Variants in TYW1 observed in about 807,000 individuals in gnomAD.
TYW1 encodes the protein S-adenosyl-L-methionine-dependent tRNA 4-demethylwyosine synthase TYW1.
Under a neutral mutation model 96.2 loss-of-function variants are expected in TYW1, and 46 were observed. The ratio of observed to expected loss-of-function variants is 0.48; its 90% CI spans 0.38 to 0.61. The LOEUF is 0.61. Ranked by LOEUF, TYW1 falls within the 20% of genes least tolerant of loss-of-function variation. The probability of loss-of-function intolerance (pLI) is 0.00; values close to 1 mark genes in which losing one functional copy is unlikely to be tolerated. For missense variants in TYW1, 684 were observed against 909.6 expected (o/e 0.75, Z 3.19); for synonymous variants, 274 against 323.0 (o/e 0.85, Z 1.63).
rs1801197090 is a variant in TYW1 at position 67,216,378 on chromosome 7, T to G, written c.1977+21041T>G. Among the ~76,000 whole-genome samples the G allele has an allele frequency of 1.5e-5, 2 of 136,288 alleles. 1 individual carries two copies. Among genetic ancestry groups the G allele is most frequent in the Non-Finnish European group, 3.2e-5 (2 of 63,146 alleles). 89.4% of individuals were successfully genotyped at this position (136,288 alleles called of 152,430 possible). A position where few individuals can be genotyped will look rare whatever the true frequency, so the allele number is the denominator to read the frequency against. On this transcript the variant is annotated intron_variant, in intron 15 of 15. Coordinates refer to ENST00000359626, the MANE Select transcript of TYW1 (RefSeq NM_018264.4). The stretch of plus-strand genomic sequence containing the variant: ...TCTCTAAGATAAAAAATTTCAAATC[T>G]GTAATCCTATCATTGTCACTATTGG...
chr7:67,175,563 A>G (rs777236375), intron 13 of TYW1, among the ~76,000 whole-genome samples: 8 of 152,208 alleles, frequency 5.3e-5, no homozygotes, highest in Non-Finnish European at 1.0e-4. Context: ...AGAAAAGATC[A>G]ATAAACTAAA....
intron 13 of TYW1, among the ~76,000 whole-genome samples, chr7:67,144,609 T>C (rs1463350023): frequency 6.6e-6 from 1 of 152,196 alleles, no homozygotes; most frequent in East Asian, 1.9e-4. Context: ...TAGCTGGAAC[T>C]ACAGGCGTGT....
At chr7:67,108,451 T>TC (rs1462056434) in intron 12 of TYW1, among the ~76,000 whole-genome samples, 1 of 151,056 alleles carries the variant, frequency 6.6e-6, no homozygotes, top group Non-Finnish European at 1.5e-5. Context: ...TTCTTTTTTT[T>TC]TTTTTTTTGA....
At chr7:67,005,842 C>T (rs1191939399) in intron 3 of TYW1, among the ~76,000 whole-genome samples, 3 of 152,160 alleles carry the variant, frequency 2.0e-5, no homozygotes, top group East Asian at 3.9e-4. Context: ...AGATCCTACA[C>T]GTGTGGCTCT....
chr7:67,213,860 C>T (rs558904950), intron 15 of TYW1, among the ~76,000 whole-genome samples: 1 of 152,186 alleles, frequency 6.6e-6, no homozygotes, highest in Non-Finnish European at 1.5e-5. Flanking sequence ...TTCTATTCCA[C>T]TGCATTGATC....
At chr7:67,238,101 G>A (rs950751135) in intron 15 of TYW1, among the ~76,000 whole-genome samples, 5 of 151,486 alleles carry the variant, frequency 3.3e-5, no homozygotes, top group African/African-American at 1.2e-4. Context: ...CCAAGGGAAA[G>A]GAAGCTCTCC....
At position 67,026,077 on chromosome 7, in the gene TYW1, T is replaced by A. The variant is rs150862490; in HGVS notation, c.984+1055T>A. ...AAATAATTACCTATCGATTAATTTA[T>A]TTTTTATTTTTTTGAAATGGAGTCT... is the stretch of plus-strand genomic sequence containing the variant. On this transcript the variant is annotated intron_variant, in intron 7 of 15. Transcript: ENST00000359626. Among the ~76,000 whole-genome samples, 945 of 152,280 alleles carry A rather than the reference T, an allele frequency of 6.2e-3. 6 individuals are homozygous for A. Among genetic ancestry groups the A allele is most frequent in the African/African-American group, 0.021 (872 of 41,564 alleles).
chr7:67,142,633 T>C (rs986258887), intron 13 of TYW1, among the ~76,000 whole-genome samples: 16 of 152,122 alleles, frequency 1.1e-4, no homozygotes, highest in Non-Finnish European at 1.8e-4. Flanking sequence ...GGTTTCGCCA[T>C]GTTGGCCAGG....
intron 12 of TYW1, among the ~76,000 whole-genome samples, chr7:67,114,625 T>C (rs190845345): frequency 4.2e-4 from 64 of 152,280 alleles, no homozygotes; most frequent in Non-Finnish European, 2.8e-4. Context: ...GCTGTTGAGA[T>C]TCTCAGATAC....
chr7:67,104,523 T>C (rs1443326867), intron 12 of TYW1, among the ~76,000 whole-genome samples: 1 of 152,080 alleles, frequency 6.6e-6, no homozygotes, highest in Non-Finnish European at 1.5e-5. Context: ...TCCTCCAACA[T>C]TGAGGATTAT....
chr7:67,041,099 G>A (rs6974864), intron 7 of TYW1, among the ~76,000 whole-genome samples: 38,885 of 151,850 alleles, frequency 0.26, 5,432 homozygotes, highest in African/African-American at 0.37. Flanking sequence ...AAATCATCAG[G>A]TCTTTGGGAA....
At position 67,117,558 on chromosome 7, in the gene TYW1, C is replaced by T. The variant is rs1563022727; in HGVS notation, c.1638C>T (p.Arg546=). Residue 546 remains arginine, a synonymous_variant, in exon 13 of 16, where the codon CGC becomes CGT. Transcript: ENST00000359626. ...STKDSLKKID[R]PLFKDFWQRF... ...AAGACAGCCTGAAGAAAATCGACCG[C>T]CCACTCTTCAAGGATTTCTGGCAGA... The T allele has an allele frequency of 1.9e-6, 3 of 1,613,902 alleles. No homozygotes were observed. Among genetic ancestry groups the T allele is most frequent in the South Asian group, 2.2e-5 (2 of 91,074 alleles).
intron 9 of TYW1, among the ~76,000 whole-genome samples, chr7:67,060,465 A>T (rs1795662739): frequency 6.6e-6 from 1 of 152,270 alleles, no homozygotes; most frequent in African/African-American, 2.4e-5. Flanking sequence ...ATCTAGGCTT[A>T]AAGAAAACAA....
intron 15 of TYW1, among the ~76,000 whole-genome samples, chr7:67,231,642 A>G (rs1161026039): frequency 1.3e-5 from 2 of 152,104 alleles, no homozygotes; most frequent in South Asian, 2.1e-4. Context: ...TGAGAACTCA[A>G]AAGGCATTCA....
At chr7:67,008,845 A>T (rs995724822) in intron 3 of TYW1, among the ~76,000 whole-genome samples, 2 of 152,018 alleles carry the variant, frequency 1.3e-5, no homozygotes, top group East Asian at 3.9e-4. Flanking sequence ...TATTTTTAGT[A>T]GAGACGGGGT....
chr7:67,162,666 T>G (rs1799197864), intron 13 of TYW1, among the ~76,000 whole-genome samples: 1 of 152,214 alleles, frequency 6.6e-6, no homozygotes, highest in African/African-American at 2.4e-5. Context: ...TGGATAGATT[T>G]TGTGTGCAGG....
At chr7:67,217,692 T>C (rs1285896593) in intron 15 of TYW1, among the ~76,000 whole-genome samples, 3 of 152,056 alleles carry the variant, frequency 2.0e-5, no homozygotes, top group African/African-American at 7.2e-5. Flanking sequence ...AGTCCTCCAG[T>C]TTTGTGTTTT....
At chr7:67,130,013 C>T (rs1485958983) in intron 13 of TYW1, among the ~76,000 whole-genome samples, 1 of 151,960 alleles carries the variant, frequency 6.6e-6, no homozygotes, top group East Asian at 1.9e-4. Context: ...TGTGCTGTTC[C>T]ATTCCCAGAA....
chr7:67,164,537 G>A (rs543227129), intron 13 of TYW1, among the ~76,000 whole-genome samples: 1 of 152,086 alleles, frequency 6.6e-6, no homozygotes, highest in East Asian at 1.9e-4. Context: ...TTTGAGCTTG[G>A]GAAGTCAAGG....
Sources: gnomAD v4.1 joint callset for allele counts (sites outside exome capture counted in the v4.1 genomes callset) on GRCh38, gnomAD v4.1.1 for gene constraint, MANE v1.5 for transcripts, NCBI Gene and HGNC (gene_info 2026-07-23, HGNC 2026-07-21) for gene names.